Variants in TMEM178B observed in about 807,000 individuals in gnomAD.
TMEM178B encodes transmembrane protein 178B.
In TMEM178B, 5 loss-of-function variants were observed where a neutral mutation model predicts 31.0. That is an observed-to-expected ratio of 0.16 (90% CI 0.08 to 0.34). The LOEUF (loss-of-function observed/expected upper bound fraction) is 0.34, where lower values mean the gene tolerates loss of function less well. TMEM178B is among the 10% of genes least tolerant of loss of function. The pLI is 1.00. For synonymous variants in TMEM178B, 164 were observed against 164.0 expected, an observed-to-expected ratio of 1.00 and a Z score of 0.00; for missense variants, 275 against 400.3, an observed-to-expected ratio of 0.69 and a Z score of 2.67.
At chr7:141,330,345 A>T (rs945613510) in intron 2 of TMEM178B, among the ~76,000 whole-genome samples, 4 of 152,246 alleles carry the variant, frequency 2.6e-5, no homozygotes, top group African/African-American at 7.2e-5. Flanking sequence ...CTCATTGTTC[A>T]GCTCCCACTT....
At chr7:141,294,893 T>G (rs1167480457) in intron 2 of TMEM178B, among the ~76,000 whole-genome samples, 2 of 152,230 alleles carry the variant, frequency 1.3e-5, no homozygotes, top group Non-Finnish European at 2.9e-5. Context: ...ACCCTCGCCA[T>G]GTGCACAGCC....
At position 141,074,344 on chromosome 7, in the gene TMEM178B, C is replaced by A. The variant is rs1404854601; in HGVS notation, c.34C>A (p.Leu12Ile). 1 of 1,535,964 alleles carries A rather than the reference C, an allele frequency of 6.5e-7. No individual in the cohort carries two copies. The highest frequency in any genetic ancestry group is 1.4e-5 in the African/African-American group (1 of 73,180). Residue 12 changes from leucine (L) to isoleucine (I), a missense_variant, in exon 1 of 4, where the codon CTC becomes ATC. Physicochemically the swap from Leu to Ile is conservative, Grantham distance 5. Transcript: ENST00000565468. This position sits in a 1 kb window ranked among gnomAD's most constrained non-coding sequence, Gnocchi z 5.1. Reference protein sequence around the residue: ...AAGRLLLYTGLSLALCALGML... With the variant: ...AAGRLLLYTGISLALCALGML... ...CGGAAGGTTACTGCTCTACACTGGC[C>A]TCTCGCTAGCGCTCTGCGCCCTCGG...
chr7:141,361,086 C>A (rs1327558477), intron 2 of TMEM178B, among the ~76,000 whole-genome samples: 1 of 152,194 alleles, frequency 6.6e-6, no homozygotes, highest in Non-Finnish European at 1.5e-5. Context: ...AGGGGCATCT[C>A]ATGTACATTT....
intron 2 of TMEM178B, among the ~76,000 whole-genome samples, chr7:141,434,516 TAC>T (rs992355228): frequency 2.6e-5 from 4 of 152,236 alleles, no homozygotes; most frequent in Non-Finnish European, 5.9e-5. Context: ...CAGATATTTG[TAC>T]ATTTTTGGGA....
At chr7:141,498,460 G>C in the TMEM178B span, among the ~76,000 whole-genome samples, 1 of 152,220 alleles carries the variant, frequency 6.6e-6, no homozygotes, top group Non-Finnish European at 1.5e-5. Flanking sequence ...GTGACAACTA[G>C]CTTGGCCTCT....
intron 2 of TMEM178B, among the ~76,000 whole-genome samples, chr7:141,380,556 T>G (rs1237756801): frequency 1.3e-5 from 2 of 152,204 alleles, no homozygotes; most frequent in African/African-American, 4.8e-5. Context: ...TTTTGTGCTA[T>G]GTATAGGTCC....
intron 1 of TMEM178B, among the ~76,000 whole-genome samples, chr7:141,188,521 C>G (rs16882396): frequency 0.027 from 4,173 of 152,276 alleles, 94 homozygotes; most frequent in East Asian, 0.11. Context: ...AAGAGACTTG[C>G]CCAGTTATAC....
intron 1 of TMEM178B, among the ~76,000 whole-genome samples, chr7:141,170,283 A>G (rs1457250806): frequency 6.6e-6 from 1 of 152,188 alleles, no homozygotes; most frequent in Non-Finnish European, 1.5e-5. Context: ...CTTGATCTGA[A>G]TAGTCCCTGG....
chr7:141,300,549 TCCTCTCCGCGA>T lies in TMEM178B; in HGVS notation c.496+87846_496+87856del, dbSNP rs1798705268. Among the ~76,000 whole-genome samples the T allele has an allele frequency of 2.0e-5, 3 of 152,218 alleles. No individual in the cohort carries two copies. The South Asian group carries it at 6.2e-4, about 32-fold the overall frequency. On this transcript the variant is annotated intron_variant, in intron 2 of 3. Transcript: ENST00000565468. ...GGAGGAGAGTGAGAACCTTTGTTTC[TCCTCTCCGCGA>T]GCTTGGATCCCTTCTTCTGCTTCTT...
At chr7:141,396,349 C>T (rs949612099) in intron 2 of TMEM178B, among the ~76,000 whole-genome samples, 13 of 152,324 alleles carry the variant, frequency 8.5e-5, no homozygotes, top group African/African-American at 2.9e-4. Flanking sequence ...ACTTTCCCAT[C>T]GCCCATGCCT....
In TMEM178B at chr7:141,154,637, C is replaced by T. The variant is rs923701858; in HGVS notation, c.383-57954C>T. On this transcript the variant is annotated intron_variant, in intron 1 of 3. Transcript: ENST00000565468. ...TGGAAAGGCGATGGGCCTGGATCCA[C>T]GGTGGCCCTTGGATACTTATAGTTC... Among the ~76,000 whole-genome samples, 10 of 152,112 alleles carry T rather than the reference C, an allele frequency of 6.6e-5. 1 individual carries two copies. The highest frequency in any genetic ancestry group is 1.3e-4 in the Non-Finnish European group (9 of 68,032).
At position 141,455,707 on chromosome 7, in the gene TMEM178B, T is replaced by C. The variant is rs902353331; in HGVS notation, c.635-14829T>C. On this transcript the variant is annotated intron_variant, in intron 3 of 3. Transcript: ENST00000565468. ...AACAATGTCTATCATATTATAAACA[T>C]TACATGCAAATGATTTATCCATATA... is the stretch of plus-strand genomic sequence containing the variant. Among the ~76,000 whole-genome samples, 12 of 152,268 alleles carry C rather than the reference T, an allele frequency of 7.9e-5. 1 individual carries two copies. Among genetic ancestry groups the C allele is most frequent in the Admixed American group, 7.8e-4 (12 of 15,288 alleles).
intron 3 of TMEM178B, among the ~76,000 whole-genome samples, chr7:141,460,010 G>A (rs1802034387): frequency 6.6e-6 from 1 of 151,818 alleles, no homozygotes; most frequent in Non-Finnish European, 1.5e-5. Context: ...TATGTCAGAT[G>A]CATGTTCTGG....
At chr7:141,226,015 T>G (rs780356909) in intron 2 of TMEM178B, among the ~76,000 whole-genome samples, 2 of 152,076 alleles carry the variant, frequency 1.3e-5, no homozygotes, top group Non-Finnish European at 2.9e-5. Flanking sequence ...GTGTGTGTGG[T>G]GTGTGTCAGC....
intron 1 of TMEM178B, among the ~76,000 whole-genome samples, chr7:141,177,207 G>A (rs12536232): frequency 6.6e-6 from 1 of 152,006 alleles, no homozygotes; most frequent in African/African-American, 2.4e-5. Flanking sequence ...ATTTACCCAG[G>A]AGTTATTCAG....
intron 2 of TMEM178B, among the ~76,000 whole-genome samples, chr7:141,371,935 G>A (rs1177029359): frequency 6.6e-6 from 1 of 151,938 alleles, no homozygotes; most frequent in East Asian, 1.9e-4. Context: ...TTCTCCATTG[G>A]GTCAATCTCA....
intron 1 of TMEM178B, among the ~76,000 whole-genome samples, chr7:141,108,713 G>A (rs1404559286): frequency 6.6e-6 from 1 of 152,140 alleles, no homozygotes; most frequent in Non-Finnish European, 1.5e-5. Context: ...GTGGTCCCAG[G>A]TATAACATGA....
intron 1 of TMEM178B, among the ~76,000 whole-genome samples, chr7:141,091,657 T>C (rs1794882793): frequency 6.6e-6 from 1 of 152,182 alleles, no homozygotes; most frequent in South Asian, 2.1e-4. Flanking sequence ...ACAACAAGAA[T>C]ATCCCTGCAT....
chr7:141,086,317 G>A (rs1794787023), intron 1 of TMEM178B, among the ~76,000 whole-genome samples: 1 of 152,132 alleles, frequency 6.6e-6, no homozygotes, highest in South Asian at 2.1e-4. Flanking sequence ...ACAGGCATGA[G>A]CCATCATGCC....
Sources: gnomAD v4.1 joint callset for allele counts (sites outside exome capture counted in the v4.1 genomes callset) on GRCh38, gnomAD v4.1.1 for gene constraint, Gnocchi (gnomAD v3.1) non-coding constraint, MANE v1.5 for transcripts, NCBI Gene and HGNC (gene_info 2026-07-23, HGNC 2026-07-21) for gene names.